The following COL8A1 variants were observed in gnomAD, a reference collection of about 807,000 sequenced individuals.
COL8A1 encodes collagen type VIII alpha 1 chain.
COL8A1 carries 21 observed loss-of-function variants against 42.7 expected under a neutral mutation model. The ratio of observed to expected loss-of-function variants is 0.49; its 90% CI spans 0.35 to 0.71. COL8A1 has a LOEUF of 0.71. COL8A1 is among the 30% of genes least tolerant of loss of function. COL8A1 has a pLI of 0.01. For missense variants in COL8A1, 788 were observed against 962.4 expected (o/e 0.82, Z 2.40); for synonymous variants, 367 against 369.1 (o/e 0.99, Z 0.06).
Position 99,740,103 on chromosome 3 carries a change from G to T in COL8A1, c.-128-4794G>T, listed in dbSNP as rs181545624. 2.2e-3 allele frequency among the ~76,000 whole-genome samples: 332 copies of T among 152,260 alleles called. 1 individual carries two copies. Among genetic ancestry groups the T allele is most frequent in the African/African-American group, 7.5e-3 (313 of 41,534 alleles). ...TGACCTTTATTCCAGTTTCCAACAA[G>T]TTCCTGATCTCCATCTGAGACCACC... is the stretch of plus-strand genomic sequence containing the variant. On this transcript the variant is annotated intron_variant, in intron 1 of 3. Coordinates refer to ENST00000652472, the MANE Select transcript of COL8A1 (RefSeq NM_020351.4).
intron 1 of COL8A1, among the ~76,000 whole-genome samples, chr3:99,650,113 G>T (rs1576412653): frequency 3.3e-5 from 5 of 151,778 alleles, no homozygotes; most frequent in Admixed American, 3.3e-4. Flanking sequence ...AAATCTGATG[G>T]GCTACTACTC....
intron 1 of COL8A1, among the ~76,000 whole-genome samples, chr3:99,719,113 T>G (rs1350063248): frequency 1.3e-5 from 2 of 152,086 alleles, no homozygotes; most frequent in Non-Finnish European, 2.9e-5. Flanking sequence ...GCTCAGAGAT[T>G]TGTTGTAAGG....
chr3:99,770,366 G>C (rs1275137990), intron 2 of COL8A1, among the ~76,000 whole-genome samples: 1 of 152,132 alleles, frequency 6.6e-6, no homozygotes, highest in East Asian at 1.9e-4. Context: ...AGTATGCCAA[G>C]GTATCATATT....
At chr3:99,676,065 A>G (rs900211860) in intron 1 of COL8A1, among the ~76,000 whole-genome samples, 2 of 152,152 alleles carry the variant, frequency 1.3e-5, no homozygotes, top group African/African-American at 4.8e-5. Context: ...ATTAAGCTAT[A>G]TTATAAAACA....
intron 1 of COL8A1, among the ~76,000 whole-genome samples, chr3:99,723,335 A>T (rs772095565): frequency 1.2e-4 from 19 of 152,130 alleles, no homozygotes; most frequent in Non-Finnish European, 2.5e-4. Context: ...GTTGAGGTAG[A>T]GACCTGCCTG....
chr3:99,743,017 C>T (rs1453237563), intron 1 of COL8A1, among the ~76,000 whole-genome samples: 1 of 152,174 alleles, frequency 6.6e-6, no homozygotes, highest in Non-Finnish European at 1.5e-5. Flanking sequence ...TTATACTTTG[C>T]ACATAGTAGG....
intron 1 of COL8A1, among the ~76,000 whole-genome samples, chr3:99,671,933 A>G (rs1938558487): frequency 6.6e-6 from 1 of 152,092 alleles, no homozygotes; most frequent in South Asian, 2.1e-4. Context: ...AAAAGCAAGT[A>G]TTCAATTATG....
intron 1 of COL8A1, among the ~76,000 whole-genome samples, chr3:99,705,985 T>A (rs932795181): frequency 1.3e-5 from 2 of 152,242 alleles, no homozygotes; most frequent in African/African-American, 4.8e-5. Flanking sequence ...TTCATAAATA[T>A]CTTAGGTATT....
intron 1 of COL8A1, among the ~76,000 whole-genome samples, chr3:99,721,116 G>A (rs1020431914): frequency 2.5e-4 from 38 of 152,062 alleles, no homozygotes; most frequent in Non-Finnish European, 1.5e-4. Flanking sequence ...AAGCACAAAA[G>A]AGCAAACATG....
chr3:99,683,404 T>C (rs1400371068), intron 1 of COL8A1, among the ~76,000 whole-genome samples: 1 of 152,172 alleles, frequency 6.6e-6, no homozygotes, highest in Non-Finnish European at 1.5e-5. Context: ...GGAGATAATA[T>C]ATAAACTGGA....
chr3:99,706,359 G>C (rs1939680646), intron 1 of COL8A1, among the ~76,000 whole-genome samples: 1 of 152,186 alleles, frequency 6.6e-6, no homozygotes, highest in Non-Finnish European at 1.5e-5. Flanking sequence ...TTTGTTCCCA[G>C]AGTGGTTTTT....
chr3:99,745,081 G>A (rs921942331), intron 2 of COL8A1, 60 bp downstream of exon 2: 2 of 152,272 alleles, frequency 1.3e-5, no homozygotes, highest in East Asian at 1.9e-4. Context: ...AGGTAAAGCC[G>A]CAGATCGCTG....
chr3:99,724,499 C>A (rs1448527111), intron 1 of COL8A1, among the ~76,000 whole-genome samples: 1 of 152,082 alleles, frequency 6.6e-6, no homozygotes, highest in Non-Finnish European at 1.5e-5. Context: ...GGAAGACTAT[C>A]AAGTTCACAG....
intron 1 of COL8A1, among the ~76,000 whole-genome samples, chr3:99,712,851 G>A (rs1939881012): frequency 1.3e-5 from 2 of 152,052 alleles, no homozygotes; most frequent in South Asian, 2.1e-4. Flanking sequence ...TGGGAAAATT[G>A]AGCCATAAAG....
chr3:99,737,133 C>T (rs1361722514), intron 1 of COL8A1, among the ~76,000 whole-genome samples: 5 of 152,228 alleles, frequency 3.3e-5, no homozygotes, highest in East Asian at 3.9e-4. Context: ...TGTCTCTGCA[C>T]GTGAGATGGG....
intron 1 of COL8A1, among the ~76,000 whole-genome samples, chr3:99,684,484 G>A (rs185483550): frequency 6.6e-6 from 1 of 152,236 alleles, no homozygotes; most frequent in African/African-American, 2.4e-5. Flanking sequence ...GCTGTAAAAA[G>A]ATAGAACAGT....
chr3:99,723,453 A>T (rs1940213602), intron 1 of COL8A1, among the ~76,000 whole-genome samples: 2 of 152,104 alleles, frequency 1.3e-5, no homozygotes, highest in South Asian at 4.1e-4. Context: ...TTGCCCCTTA[A>T]AACAAAAACA....
At chr3:99,685,924 C>G (rs1029423938) in intron 1 of COL8A1, among the ~76,000 whole-genome samples, 2 of 152,118 alleles carry the variant, frequency 1.3e-5, no homozygotes, top group African/African-American at 4.8e-5. Context: ...TTATTTTTAT[C>G]TTTGTTGTTT....
At chr3:99,707,850 A>G (rs962939996) in intron 1 of COL8A1, among the ~76,000 whole-genome samples, 1 of 152,218 alleles carries the variant, frequency 6.6e-6, no homozygotes, top group Non-Finnish European at 1.5e-5. Context: ...TAAGAGCCTT[A>G]CATTTCATTC....
Sources: gnomAD v4.1 joint callset for allele counts (sites outside exome capture counted in the v4.1 genomes callset) on GRCh38, gnomAD v4.1.1 for gene constraint, MANE v1.5 for transcripts, NCBI Gene and HGNC (gene_info 2026-07-23, HGNC 2026-07-21) for gene names.